Variants in PDE4D observed in about 807,000 individuals in gnomAD.
PDE4D encodes 3',5'-cyclic-AMP phosphodiesterase 4D.
Under a neutral mutation model 87.4 loss-of-function variants are expected in PDE4D, and 24 were observed. The observed-to-expected ratio is 0.27, with a 90% confidence interval of 0.20 to 0.39. PDE4D has a LOEUF of 0.39. PDE4D is among the 10% of genes least tolerant of loss of function. The probability of loss-of-function intolerance (pLI) is 1.00; values close to 1 mark genes in which losing one functional copy is unlikely to be tolerated. For synonymous variants in PDE4D, 384 were observed against 383.2 expected, an observed-to-expected ratio of 1.00 and a Z score of -0.02; for missense variants, 714 against 1,041.0, an observed-to-expected ratio of 0.69 and a Z score of 4.32.
At chr5:60,052,717 G>C (rs1003901311) in intron 2 of PDE4D, among the ~76,000 whole-genome samples, 33 of 152,170 alleles carry the variant, frequency 2.2e-4, no homozygotes, top group African/African-American at 7.7e-4. Flanking sequence ...CGAAATAAAG[G>C]ATATTCAGAT....
chr5:60,330,775 G>A (rs1441133804), intron 1 of PDE4D, among the ~76,000 whole-genome samples: 3 of 152,200 alleles, frequency 2.0e-5, no homozygotes, highest in Non-Finnish European at 2.9e-5. Flanking sequence ...GCAAAAGTTT[G>A]TTCTGGGACA....
intron 1 of PDE4D, among the ~76,000 whole-genome samples, chr5:59,807,644 A>G (rs934937716): frequency 6.6e-6 from 1 of 152,148 alleles, no homozygotes; most frequent in Non-Finnish European, 1.5e-5. Context: ...ATGAAAGCAT[A>G]TTTGTCAAGG....
In PDE4D at chr5:59,507,594, G is replaced by A. The variant is rs2153667081; in HGVS notation, c.456-291626C>T. Among the ~76,000 whole-genome samples the A allele has an allele frequency of 1.4e-5, 2 of 145,792 alleles. 1 individual carries two copies. The highest frequency in any genetic ancestry group is 4.4e-4 in the South Asian group (2 of 4,502). On this transcript the variant is annotated intron_variant, in intron 1 of 14. Coordinates refer to ENST00000340635, the MANE Select transcript of PDE4D (RefSeq NM_001104631.2). ...GCAGGAGGACTGCTTGAGCCCAGGA[G>A]TTTGAGGCTGCAATGAGTTATGACT...
rs112255610 is a variant in PDE4D, at chr5:60,157,891, CCCTTCCTTCCTT to C, written c.42+27654_42+27665del. 1.4e-3 allele frequency among the ~76,000 whole-genome samples: 202 copies of C among 146,852 alleles called. 2 individuals are homozygous for C. The highest frequency in any genetic ancestry group is 5.9e-3 in the South Asian group (27 of 4,582). On this transcript the variant is annotated intron_variant, in intron 2 of 16. Coordinates refer to the PDE4D transcript ENST00000502484. ...TTTTTCTTTTCCTTTCCCTTTCTTT[CCCTTCCTTCCTT>C]CCTTCCTTCCTTCCTTCCTTCCCTC...
chr5:59,953,168 C>A (rs971702947), intron 3 of PDE4D, among the ~76,000 whole-genome samples: 1 of 151,962 alleles, frequency 6.6e-6, no homozygotes, highest in African/African-American at 2.4e-5. Context: ...AAACATAAGG[C>A]AGTATATGTT....
chr5:59,734,255 C>A (rs1349866856), intron 1 of PDE4D, among the ~76,000 whole-genome samples: 3 of 151,750 alleles, frequency 2.0e-5, no homozygotes, highest in African/African-American at 7.3e-5. Context: ...AAGAAAAGAA[C>A]CAATAGGATA....
intron 1 of PDE4D, among the ~76,000 whole-genome samples, chr5:59,433,154 G>A (rs1796350213): frequency 6.6e-6 from 1 of 152,044 alleles, no homozygotes; most frequent in Admixed American, 6.6e-5. Flanking sequence ...TTAGGAGATT[G>A]CCCAGTAGAA....
chr5:59,622,656 C>A (rs762015436), intron 1 of PDE4D, among the ~76,000 whole-genome samples: 15 of 152,170 alleles, frequency 9.9e-5, no homozygotes, highest in Non-Finnish European at 1.8e-4. Context: ...TTAAGGAAGA[C>A]CTACTGTAGT....
chr5:59,080,037 G>C (rs60782385), intron 5 of PDE4D, among the ~76,000 whole-genome samples: 399 of 152,116 alleles, frequency 2.6e-3, no homozygotes, highest in African/African-American at 9.3e-3. Context: ...CATAGAAAAG[G>C]GTTGCTGTGT....
intron 1 of PDE4D, among the ~76,000 whole-genome samples, chr5:60,415,559 CG>C (rs1435046000): frequency 7.9e-5 from 12 of 152,236 alleles, no homozygotes; most frequent in African/African-American, 2.9e-4. Flanking sequence ...AGCGGCAGGC[CG>C]GCCCCGCCAC....
intron 2 of PDE4D, among the ~76,000 whole-genome samples, chr5:60,026,614 C>A: frequency 6.6e-6 from 1 of 152,136 alleles, no homozygotes; most frequent in East Asian, 1.9e-4. Flanking sequence ...AGGGGTTAGT[C>A]TTTTGCTCAT....
At chr5:60,004,888 G>A (rs1764327643) in intron 2 of PDE4D, among the ~76,000 whole-genome samples, 1 of 152,148 alleles carries the variant, frequency 6.6e-6, no homozygotes, top group Non-Finnish European at 1.5e-5. Flanking sequence ...ATGGAAAACA[G>A]TATGAAGATT....
At chr5:60,165,264 G>T (rs1463221026) in intron 2 of PDE4D, among the ~76,000 whole-genome samples, 1 of 152,156 alleles carries the variant, frequency 6.6e-6, no homozygotes, top group Non-Finnish European at 1.5e-5. Flanking sequence ...AACATGGACT[G>T]CCCTTTCACC....
In PDE4D at chr5:59,562,301, A is replaced by G. The variant is rs114766421; in HGVS notation, c.455+330867T>C. Among the ~76,000 whole-genome samples, 666 of 152,352 alleles carry G rather than the reference A, an allele frequency of 4.4e-3. 5 individuals carry two copies. Among genetic ancestry groups the G allele is most frequent in the African/African-American group, 0.015 (619 of 41,590 alleles). On this transcript the variant is annotated intron_variant, in intron 1 of 14. Coordinates refer to ENST00000340635, the MANE Select transcript of PDE4D (RefSeq NM_001104631.2). ...AGGGAAATTGCTTATTCTTATGTTT[A>G]TAACACCAGATCTTTTATTTGATAT... is the stretch of plus-strand genomic sequence containing the variant.
intron 1 of PDE4D, among the ~76,000 whole-genome samples, chr5:60,207,336 G>A (rs1019704444): frequency 2.6e-5 from 4 of 152,240 alleles, no homozygotes; most frequent in African/African-American, 9.6e-5. Context: ...TGGCACTTGA[G>A]TGCCTTAGCT....
upstream of PDE4D, among the ~76,000 whole-genome samples, chr5:60,492,906 A>G (rs1749608848): frequency 6.6e-6 from 1 of 152,158 alleles, no homozygotes; most frequent in Non-Finnish European, 1.5e-5. Context: ...AAAGATTAAA[A>G]AAAAGAAGAA....
At chr5:60,302,085 T>C (rs182853931) in intron 1 of PDE4D, among the ~76,000 whole-genome samples, 149 of 152,358 alleles carry the variant, frequency 9.8e-4, no homozygotes, top group Non-Finnish European at 1.7e-3. Flanking sequence ...CAGTATTTTA[T>C]TGAGGACTTT....
intron 1 of PDE4D, among the ~76,000 whole-genome samples, chr5:59,733,188 T>C (rs927841898): frequency 5.3e-5 from 8 of 152,168 alleles, no homozygotes; most frequent in Non-Finnish European, 1.0e-4. Context: ...TTGGGTGAGG[T>C]CTTGAGGGAT....
intron 2 of PDE4D, among the ~76,000 whole-genome samples, chr5:60,179,549 A>C (rs376302972): frequency 1.3e-5 from 2 of 152,078 alleles, no homozygotes; most frequent in African/African-American, 2.4e-5. Context: ...CCTTGAAAAA[A>C]ATTATGCAAG....
Sources: allele counts gnomAD v4.1 joint callset (sites outside exome capture counted in the v4.1 genomes callset), GRCh38; gene constraint gnomAD v4.1.1; transcripts MANE v1.5; gene names NCBI Gene and HGNC (gene_info 2026-07-23, HGNC 2026-07-21).